ARHGEF3: variants seen among roughly 807,000 people sequenced by gnomAD.
ARHGEF3 encodes 59.8 kDA protein.
ARHGEF3 carries 28 observed loss-of-function variants against 63.2 expected under a neutral mutation model. The observed-to-expected ratio is 0.44, with a 90% confidence interval of 0.33 to 0.61. The LOEUF is 0.61. ARHGEF3 is among the 20% of genes least tolerant of loss of function. ARHGEF3 has a pLI of 0.03. For missense variants in ARHGEF3, 533 were observed against 659.3 expected (o/e 0.81, Z 2.10); for synonymous variants, 266 against 254.2 (o/e 1.05, Z -0.44).
chr3:56,880,671 G>A (rs1400214072), intron 4 of ARHGEF3, among the ~76,000 whole-genome samples: 3 of 152,156 alleles, frequency 2.0e-5, no homozygotes, highest in Non-Finnish European at 4.4e-5. Context: ...TAAGGGCTCT[G>A]TAAATTCTGA....
chr3:57,065,844 C>A (rs1012235028), intron 1 of ARHGEF3, among the ~76,000 whole-genome samples: 3 of 152,098 alleles, frequency 2.0e-5, no homozygotes, highest in Non-Finnish European at 2.9e-5. Flanking sequence ...GCTAGATCTA[C>A]GGAGCATGCA....
intron 2 of ARHGEF3, among the ~76,000 whole-genome samples, chr3:56,755,654 C>G (rs1158660046): frequency 6.6e-6 from 1 of 152,316 alleles, no homozygotes; most frequent in East Asian, 1.9e-4. Flanking sequence ...GAGTATTCCA[C>G]CATCCTAGTT....
chr3:56,890,044 A>AGAAG (rs1348116244), intron 3 of ARHGEF3, among the ~76,000 whole-genome samples: 1 of 149,416 alleles, frequency 6.7e-6, no homozygotes, highest in Non-Finnish European at 1.5e-5. Flanking sequence ...CCTGGGTGAC[A>AGAAG]GAGCAAGACT....
intron 7 of ARHGEF3, among the ~76,000 whole-genome samples, chr3:56,742,431 T>G (rs2107722823): frequency 6.6e-6 from 1 of 152,344 alleles, no homozygotes; most frequent in South Asian, 2.1e-4. Context: ...AGACCTCTTT[T>G]TAGATCTAAT....
At chr3:57,057,330 C>T (rs1306280348) in intron 1 of ARHGEF3, among the ~76,000 whole-genome samples, 2 of 152,092 alleles carry the variant, frequency 1.3e-5, no homozygotes, top group Admixed American at 6.5e-5. Context: ...AGGCTGGTCT[C>T]GAACTCCTGA....
intron 7 of ARHGEF3, among the ~76,000 whole-genome samples, chr3:56,740,270 T>TA (rs11445737): frequency 0.56 from 83,704 of 148,288 alleles, 25,238 homozygotes; most frequent in East Asian, 0.83. Context: ...TACTTTGATT[T>TA]AAAAAAAAAA....
intron 1 of ARHGEF3, 28 bp downstream of exon 1, chr3:56,801,674 AG>A (rs1559953196): frequency 1.9e-6 from 3 of 1,551,318 alleles, no homozygotes; most frequent in Middle Eastern, 1.7e-4. Context: ...GATGACCCAT[AG>A]AGGTCCAGGT....
At chr3:56,757,728 T>C (rs2107781607) in intron 2 of ARHGEF3, among the ~76,000 whole-genome samples, 1 of 151,678 alleles carries the variant, frequency 6.6e-6, no homozygotes, top group South Asian at 2.1e-4. Context: ...TTTTAGCCTT[T>C]TTTTTTTGTT....
chr3:56,950,217 T>C (rs1391741002), intron 3 of ARHGEF3, among the ~76,000 whole-genome samples: 2 of 152,044 alleles, frequency 1.3e-5, no homozygotes, highest in African/African-American at 4.8e-5. Flanking sequence ...GACATAGGCA[T>C]GGGCAAGGAC....
At chr3:57,015,893 C>T (rs1702976297) in intron 2 of ARHGEF3, among the ~76,000 whole-genome samples, 1 of 151,958 alleles carries the variant, frequency 6.6e-6, no homozygotes, top group Non-Finnish European at 1.5e-5. Flanking sequence ...AGTCTTGTTC[C>T]CACCAATTCC....
upstream of ARHGEF3, among the ~76,000 whole-genome samples, chr3:56,802,622 T>C (rs1361032140): frequency 6.6e-6 from 1 of 152,146 alleles, no homozygotes; most frequent in Non-Finnish European, 1.5e-5. Context: ...CACCAACTTT[T>C]AAATTTGACT....
intron 1 of ARHGEF3, among the ~76,000 whole-genome samples, chr3:56,791,784 G>C (rs2037088661): frequency 6.7e-6 from 1 of 149,782 alleles, no homozygotes; most frequent in Non-Finnish European, 1.5e-5. Flanking sequence ...AAACAAAAAG[G>C]ACAGCTTCAG....
chr3:56,895,154 A>G (rs757086538), intron 3 of ARHGEF3, among the ~76,000 whole-genome samples: 15 of 150,962 alleles, frequency 9.9e-5, no homozygotes, highest in Non-Finnish European at 1.8e-4. Context: ...CAGCTGCAGG[A>G]AGAAAATGTC....
chr3:56,934,848 C>T lies in ARHGEF3; in HGVS notation c.129+23975G>A, dbSNP rs192647866. ...TCGACCACCCAAGGGCTGAGGAGCG[C>T]GAGCACACGGCGCTGGACTGGCAGC... On this transcript the variant is annotated intron_variant, in intron 3 of 12. Transcript: ENST00000338458. 5.2e-4 allele frequency among the ~76,000 whole-genome samples: 79 copies of T among 152,378 alleles called. 1 individual carries two copies. The East Asian group carries it at 0.013, about 25-fold the overall frequency.
At chr3:57,055,306 C>T (rs1210982028) in intron 1 of ARHGEF3, among the ~76,000 whole-genome samples, 1 of 151,774 alleles carries the variant, frequency 6.6e-6, no homozygotes, top group African/African-American at 2.4e-5. Flanking sequence ...GGACTACAGG[C>T]GCATGCCACC....
At chr3:56,816,527 G>C (rs1041484621) in intron 4 of ARHGEF3, among the ~76,000 whole-genome samples, 1 of 152,136 alleles carries the variant, frequency 6.6e-6, no homozygotes, top group African/African-American at 2.4e-5. Context: ...GCTTGTACAA[G>C]GCTACATCCC....
At chr3:56,910,948 C>T (rs572840263) in intron 3 of ARHGEF3, among the ~76,000 whole-genome samples, 1 of 152,314 alleles carries the variant, frequency 6.6e-6, no homozygotes, top group East Asian at 1.9e-4. Flanking sequence ...AGGTAAGGAA[C>T]TTGAACAAGG....
intron 2 of ARHGEF3, among the ~76,000 whole-genome samples, chr3:57,013,956 G>A (rs1279782802): frequency 6.6e-6 from 1 of 152,222 alleles, no homozygotes; most frequent in African/African-American, 2.4e-5. Context: ...CTCTGGGGAA[G>A]TTTTGTTCCT....
At chr3:57,073,941 CAG>C in intron 1 of ARHGEF3, 1 of 1,614,172 alleles carries the variant, frequency 6.2e-7, no homozygotes. Context: ...TGAGACCTGT[CAG>C]AGATATTTAC....
Sources: allele counts gnomAD v4.1 joint callset (sites outside exome capture counted in the v4.1 genomes callset), GRCh38; gene constraint gnomAD v4.1.1; transcripts MANE v1.5; gene names NCBI Gene and HGNC (gene_info 2026-07-23, HGNC 2026-07-21).